Variants in APOLD1 observed in about 807,000 individuals in gnomAD.
APOLD1 encodes the protein apolipoprotein L domain-containing protein 1.
APOLD1 carries 22 observed loss-of-function variants against 15.3 expected under a neutral mutation model. The observed-to-expected ratio is 1.44, with a 90% CI of 1.03 to 2.05. APOLD1 has a LOEUF of 2.05. APOLD1 is among the 30% of genes most tolerant of loss of function. APOLD1 has a pLI of 0.00. For synonymous variants in APOLD1, 190 were observed against 167.4 expected (o/e 1.13, Z -1.04); for missense variants, 394 against 353.5 (o/e 1.11, Z -0.92).
intron 1 of APOLD1, among the ~76,000 whole-genome samples, chr12:12,779,779 G>GT (rs1373966532): frequency 6.6e-6 from 1 of 152,178 alleles, no homozygotes; most frequent in Non-Finnish European, 1.5e-5. Flanking sequence ...AGACAAGTGT[G>GT]TATCTATCTG....
intron 1 of APOLD1, among the ~76,000 whole-genome samples, chr12:12,736,416 A>T (rs1946686738): frequency 6.6e-6 from 1 of 151,754 alleles, no homozygotes; most frequent in Admixed American, 6.6e-5. Context: ...AGTCCCAGCT[A>T]CTTGGGAGGC....
chr12:12,778,326 T>G (rs1029271524), intron 1 of APOLD1, among the ~76,000 whole-genome samples: 1 of 151,380 alleles, frequency 6.6e-6, no homozygotes, highest in Non-Finnish European at 1.5e-5. Context: ...GCTTATTTTA[T>G]TTTACATTTT....
intron 1 of APOLD1, among the ~76,000 whole-genome samples, chr12:12,776,285 C>A (rs1383712950): frequency 1.3e-5 from 2 of 152,150 alleles, no homozygotes; most frequent in Non-Finnish European, 1.5e-5. Flanking sequence ...ATTTATGATG[C>A]CTCTGTAGAT....
chr12:12,773,339 T>C lies in APOLD1; in HGVS notation c.97-13570T>C, dbSNP rs143993734. Among the ~76,000 whole-genome samples the C allele has an allele frequency of 7.1e-3, 1,079 of 152,228 alleles. 18 individuals are homozygous for C. Among genetic ancestry groups the C allele is most frequent in the African/African-American group, 0.024 (1,008 of 41,532 alleles). Reference sequence around the variant, plus strand: ...ACTTTGGGAGGGTGAAGTGGGAAGATTGCTTGAGGCCAGGAGTTCAAGAAC... The same window carrying C: ...ACTTTGGGAGGGTGAAGTGGGAAGACTGCTTGAGGCCAGGAGTTCAAGAAC... On this transcript the variant is annotated intron_variant, in intron 1 of 1. Transcript: ENST00000326765.
At chr12:12,766,290 A>G in intron 1 of APOLD1, among the ~76,000 whole-genome samples, 1 of 151,918 alleles carries the variant, frequency 6.6e-6, no homozygotes, top group East Asian at 1.9e-4. Context: ...GTCTACCTTT[A>G]GTCCAATTAG....
intron 1 of APOLD1, among the ~76,000 whole-genome samples, chr12:12,772,471 T>G (rs570114915): frequency 2.6e-5 from 4 of 152,198 alleles, no homozygotes; most frequent in South Asian, 2.1e-4. Context: ...AACAACGGAG[T>G]GTCAAAATTT....
chr12:12,763,807 A>G (rs993149285), intron 1 of APOLD1, among the ~76,000 whole-genome samples: 2 of 152,116 alleles, frequency 1.3e-5, no homozygotes, highest in Non-Finnish European at 2.9e-5. Context: ...CTTATATAAT[A>G]TGTGTTATAT....
chr12:12,777,923 T>TTTG (rs1283327763), intron 1 of APOLD1, among the ~76,000 whole-genome samples: 4,383 of 118,494 alleles, frequency 0.037, 170 homozygotes, highest in Non-Finnish European at 0.05. Flanking sequence ...TTTTTTTTTT[T>TTTG]TTGTTGTTGT....
intron 1 of APOLD1, among the ~76,000 whole-genome samples, chr12:12,737,819 G>T (rs1347522425): frequency 6.6e-6 from 1 of 152,148 alleles, no homozygotes; most frequent in African/African-American, 2.4e-5. Flanking sequence ...GTGGGAATGT[G>T]GCTGCACGAT....
intron 1 of APOLD1, among the ~76,000 whole-genome samples, chr12:12,736,597 C>T (rs1946688535): frequency 6.6e-6 from 1 of 152,178 alleles, no homozygotes; most frequent in Admixed American, 6.5e-5. Flanking sequence ...ATTGTTTCCT[C>T]ACTTTATCTA....
At chr12:12,759,042 G>A (rs1306386025) in intron 1 of APOLD1, among the ~76,000 whole-genome samples, 3 of 152,142 alleles carry the variant, frequency 2.0e-5, no homozygotes, top group African/African-American at 7.2e-5. Flanking sequence ...CGCCTACAGT[G>A]TGGTTCAGCT....
At position 12,787,013 on chromosome 12, in the gene APOLD1, G is replaced by A; in HGVS notation, c.108G>A (p.Leu36=). ...DRRGRLHGQV[L]RLREVARRLE... is the part of the protein sequence containing the mutation. ...GAGGCCGGCTGCACGGCCAGGTGCT[G>A]CGCCTGCGCGAGGTGGCCCGGCGCC... The change falls in exon 2 of 2, where the codon CTG becomes CTA. Residue 36 remains leucine (L), a synonymous_variant. Coordinates refer to ENST00000356591, the MANE Select transcript of APOLD1 (RefSeq NM_030817.3). This position sits in a 1 kb window ranked among gnomAD's most constrained non-coding sequence, Gnocchi z 4.9. 7.2e-7 allele frequency: 1 copy of A among 1,392,314 alleles called. No individual in the cohort carries two copies. Among genetic ancestry groups the A allele is most frequent in the Non-Finnish European group, 9.2e-7 (1 of 1,084,962 alleles). 86.2% of individuals were successfully genotyped at this position (1,392,314 alleles called of 1,614,324 possible).
At chr12:12,772,667 A>G (rs1946998220) in intron 1 of APOLD1, among the ~76,000 whole-genome samples, 1 of 152,200 alleles carries the variant, frequency 6.6e-6, no homozygotes, top group Admixed American at 6.5e-5. Flanking sequence ...ACTTTATTAA[A>G]CAGTAGCAGG....
upstream of APOLD1, among the ~76,000 whole-genome samples, chr12:12,780,835 C>T (rs1033790656): frequency 1.3e-5 from 2 of 148,914 alleles, no homozygotes; most frequent in African/African-American, 2.5e-5. Flanking sequence ...GTGATTCTTC[C>T]ACCTCAGCCT....
chr12:12,753,641 C>T (rs1946831948), intron 1 of APOLD1, among the ~76,000 whole-genome samples: 2 of 151,956 alleles, frequency 1.3e-5, no homozygotes, highest in Non-Finnish European at 2.9e-5. Flanking sequence ...CCACTGCACT[C>T]CAGCCAGGGC....
In APOLD1 at chr12:12,789,385, G is replaced by A. The variant is rs1000135310; in HGVS notation, c.*1733G>A. The A allele has an allele frequency of 2.6e-5, 4 of 152,212 alleles. No homozygotes were observed. The highest frequency in any genetic ancestry group is 2.6e-4 in the Admixed American group (4 of 15,288). 9.4% of individuals were successfully genotyped at this position (152,212 alleles called of 1,614,324 possible). On this transcript the variant is annotated 3_prime_UTR_variant, in exon 2 of 2. Coordinates refer to ENST00000356591, the MANE Select transcript of APOLD1 (RefSeq NM_030817.3). ...CTTGAATGGCAAGACCAGGAGCTGAGTTTAAGCTTGTAATGGAAGCTTGCA... is the reference window on the plus strand; with the variant it reads ...CTTGAATGGCAAGACCAGGAGCTGAATTTAAGCTTGTAATGGAAGCTTGCA...
At chr12:12,745,452 T>G (rs888872063) in intron 1 of APOLD1, among the ~76,000 whole-genome samples, 1 of 151,932 alleles carries the variant, frequency 6.6e-6, no homozygotes, top group African/African-American at 2.4e-5. Flanking sequence ...ATCGGTTGAA[T>G]CAGGGAGGTG....
At position 12,728,415 on chromosome 12, in the gene APOLD1, G is replaced by A. The variant is rs74696333; in HGVS notation, c.96+2319G>A. 4.1e-3 allele frequency among the ~76,000 whole-genome samples: 629 copies of A among 152,062 alleles called. 2 individuals are homozygous for A. Among genetic ancestry groups the A allele is most frequent in the African/African-American group, 0.015 (605 of 41,474 alleles). On this transcript the variant is annotated intron_variant, in intron 1 of 1. Transcript: ENST00000326765. Reference sequence around the variant, plus strand: ...ACACATTGGCTTACACCTGTAATCCGCACACTTTGGGAGGCTGAGGCGGGC... The same window carrying A: ...ACACATTGGCTTACACCTGTAATCCACACACTTTGGGAGGCTGAGGCGGGC...
Position 12,786,954 on chromosome 12 carries a change from C to G in APOLD1, c.49C>G (p.Leu17Val). 6.8e-7 allele frequency: 1 copy of G among 1,460,234 alleles called. No individual in the cohort carries two copies. 90.5% of individuals were successfully genotyped at this position (1,460,234 alleles called of 1,614,324 possible). A position where few individuals can be genotyped will look rare whatever the true frequency, so the allele number is the denominator to read the frequency against. The part of the protein sequence containing the change: ...AAREPHGPDA[L>V]RRFQGLLLDR... ...CCGGGAGCCGCATGGGCCCGACGCGCTGCGGCGCTTCCAGGGACTGCTGCT... is the reference window on the plus strand; with the variant it reads ...CCGGGAGCCGCATGGGCCCGACGCGGTGCGGCGCTTCCAGGGACTGCTGCT... The change falls in exon 2 of 2, where the codon CTG (leucine) becomes GTG (valine). Residue 17 changes from leucine to valine, a missense_variant. Leu to Val is a conservative substitution (Grantham distance 32). Transcript: ENST00000356591.
Sources: gnomAD v4.1 joint callset for allele counts (sites outside exome capture counted in the v4.1 genomes callset) on GRCh38, gnomAD v4.1.1 for gene constraint, Gnocchi (gnomAD v3.1) non-coding constraint, MANE v1.5 for transcripts, NCBI Gene and HGNC (gene_info 2026-07-23, HGNC 2026-07-21) for gene names.